The following MBD5 variants were observed in gnomAD, a reference collection of about 807,000 sequenced individuals.
MBD5 encodes methyl-CpG binding domain protein 5.
MBD5 carries 13 observed loss-of-function variants against 117.3 expected under a neutral mutation model. The observed-to-expected ratio is 0.11, with a 90% CI of 0.07 to 0.18. The LOEUF is 0.18. Among genes scored for constraint, MBD5 ranks in the 10% least tolerant of loss-of-function variants. The pLI, the probability that MBD5 is intolerant of heterozygous loss-of-function variation, is 1.00. For missense variants in MBD5, 1,879 were observed against 2,093.8 expected, an observed-to-expected ratio of 0.90 and a Z score of 2.00; for synonymous variants, 727 against 766.4, an observed-to-expected ratio of 0.95 and a Z score of 0.85.
intron 4 of MBD5, among the ~76,000 whole-genome samples, chr2:148,455,885 G>A (rs1032397717): frequency 4.6e-5 from 7 of 151,998 alleles, no homozygotes; most frequent in African/African-American, 1.4e-4. Flanking sequence ...CATGAAAAGG[G>A]ACTGTAAAAA....
At chr2:148,172,807 G>A (rs769019055) in intron 1 of MBD5, among the ~76,000 whole-genome samples, 3 of 152,218 alleles carry the variant, frequency 2.0e-5, no homozygotes, top group Admixed American at 6.5e-5. Context: ...CATACAGACC[G>A]TTGGGACTAC....
At chr2:148,216,447 C>CT (rs1200073028) in intron 2 of MBD5, among the ~76,000 whole-genome samples, 2 of 151,712 alleles carry the variant, frequency 1.3e-5, no homozygotes, top group Admixed American at 6.6e-5. Flanking sequence ...AGACAAAAAA[C>CT]TTTTTTTTTC....
At chr2:148,451,796 A>G (rs191848568) in intron 4 of MBD5, among the ~76,000 whole-genome samples, 14 of 152,314 alleles carry the variant, frequency 9.2e-5, no homozygotes, top group African/African-American at 2.9e-4. Flanking sequence ...ATAGGAATAG[A>G]GTGGACTTCT....
At chr2:148,504,352 C>A (rs941022945) in intron 12 of MBD5, among the ~76,000 whole-genome samples, 1 of 152,186 alleles carries the variant, frequency 6.6e-6, no homozygotes, top group Non-Finnish European at 1.5e-5. Flanking sequence ...GCAAATTCAT[C>A]ATTTTATTCT....
chr2:148,307,778 C>T (rs189933300), intron 3 of MBD5, among the ~76,000 whole-genome samples: 1 of 152,216 alleles, frequency 6.6e-6, no homozygotes, highest in East Asian at 1.9e-4. Context: ...TCTCCTAATG[C>T]TATCCCTCCC....
chr2:148,363,144 G>A (rs1029647767), intron 4 of MBD5, among the ~76,000 whole-genome samples: 3 of 152,124 alleles, frequency 2.0e-5, no homozygotes, highest in African/African-American at 4.8e-5. Context: ...TGAGTTTAAC[G>A]AATTGACAGA....
chr2:148,430,749 A>T (rs1230648206), intron 4 of MBD5, among the ~76,000 whole-genome samples: 1 of 152,132 alleles, frequency 6.6e-6, no homozygotes, highest in Non-Finnish European at 1.5e-5. Flanking sequence ...ATAAGAGAAT[A>T]AAATGAAAAA....
At chr2:148,033,762 A>G (rs1694107906) in intron 1 of MBD5, among the ~76,000 whole-genome samples, 1 of 152,236 alleles carries the variant, frequency 6.6e-6, no homozygotes, top group East Asian at 1.9e-4. Context: ...GTACTTCATC[A>G]GGTGATCTTG....
chr2:148,396,697 T>C (rs1423959645), intron 4 of MBD5, among the ~76,000 whole-genome samples: 1 of 152,164 alleles, frequency 6.6e-6, no homozygotes, highest in African/African-American at 2.4e-5. Flanking sequence ...TTTGGCCCAA[T>C]GAAAGGCATT....
intron 4 of MBD5, among the ~76,000 whole-genome samples, chr2:148,389,304 A>G (rs1337691712): frequency 2.9e-5 from 3 of 101,984 alleles, no homozygotes; most frequent in Non-Finnish European, 5.9e-5. Flanking sequence ...ATATATATAT[A>G]ACATTTTCTT....
chr2:148,380,195 G>C (rs1704096870), intron 4 of MBD5, among the ~76,000 whole-genome samples: 1 of 152,032 alleles, frequency 6.6e-6, no homozygotes, highest in Non-Finnish European at 1.5e-5. Flanking sequence ...AAGCCTTTTT[G>C]TCCACTTAAT....
intron 3 of MBD5, among the ~76,000 whole-genome samples, chr2:148,277,351 A>G (rs1701140268): frequency 6.6e-6 from 1 of 152,190 alleles, no homozygotes; most frequent in Non-Finnish European, 1.5e-5. Context: ...TAATTCCTTT[A>G]TTTAAATTTT....
intron 1 of MBD5, among the ~76,000 whole-genome samples, chr2:148,102,727 C>CAG (rs1430927071): frequency 1.6e-5 from 1 of 62,858 alleles, no homozygotes; most frequent in African/African-American, 5.2e-5. Flanking sequence ...CACACACACA[C>CAG]ACAGAGAGAG....
Position 148,469,856 on chromosome 2 carries a change from A to C in MBD5, c.1913A>C (p.Gln638Pro), listed in dbSNP as rs1680733017. ...ATGCTTCTCCCAACAGGTGAAGGGC[A>C]AAGTGGTCGAGCAGCACTAAGAGAT... ...ANMLLPTGEG[Q>P]SGRAALRDKL... Residue 638 changes from glutamine to proline, a missense_variant, in exon 8 of 14, where the codon CAA becomes CCA. Transcript: ENST00000642680. 6.2e-7 allele frequency: 1 copy of C among 1,613,852 alleles called. No individual in the cohort carries two copies. The highest frequency in any genetic ancestry group is 8.5e-7 in the Non-Finnish European group (1 of 1,179,910).
chr2:148,213,106 T>G (rs1385495094), intron 2 of MBD5, among the ~76,000 whole-genome samples: 1 of 152,204 alleles, frequency 6.6e-6, no homozygotes, highest in African/African-American at 2.4e-5. Flanking sequence ...GTTTTTCTCT[T>G]GGCTTTCTTC....
chr2:148,342,634 T>G lies in MBD5; in HGVS notation c.-557+298T>G, dbSNP rs564927807. Among the ~76,000 whole-genome samples, 3 of 152,168 alleles carry G rather than the reference T, an allele frequency of 2.0e-5. No individual in the cohort carries two copies. The South Asian group carries it at 6.2e-4, about 32-fold the overall frequency. On this transcript the variant is annotated intron_variant, in intron 4 of 13. Transcript: ENST00000642680. ...CTTCCTGAATTTATTTTTATATATG[T>G]GTATTATGTATAATATGTGGATTTA... is the stretch of plus-strand genomic sequence containing the variant.
At chr2:148,448,805 G>A (rs533575425) in intron 4 of MBD5, among the ~76,000 whole-genome samples, 6 of 151,906 alleles carry the variant, frequency 3.9e-5, no homozygotes, top group Non-Finnish European at 7.4e-5. Flanking sequence ...AAGATTTGAC[G>A]TTCATATATC....
intron 3 of MBD5, among the ~76,000 whole-genome samples, chr2:148,271,348 C>T (rs188144844): frequency 8.5e-5 from 13 of 152,206 alleles, no homozygotes; most frequent in Non-Finnish European, 1.8e-4. Context: ...CTGTTATATA[C>T]AAGGTTAGGT....
intron 3 of MBD5, among the ~76,000 whole-genome samples, chr2:148,294,763 C>A (rs1440092712): frequency 6.6e-6 from 1 of 152,140 alleles, no homozygotes; most frequent in East Asian, 1.9e-4. Context: ...ACCTCTGCCT[C>A]CCAAAGTGCT....
Sources: gnomAD v4.1 joint callset for allele counts (sites outside exome capture counted in the v4.1 genomes callset) on GRCh38, gnomAD v4.1.1 for gene constraint, MANE v1.5 for transcripts, NCBI Gene and HGNC (gene_info 2026-07-23, HGNC 2026-07-21) for gene names.